Variants in CREBBP observed in about 807,000 individuals in gnomAD.
CREBBP encodes the protein CREB-binding protein.
A neutral mutation model predicts 265.0 loss-of-function variants in CREBBP; 19 were observed. The observed-to-expected ratio is 0.07, with a 90% CI of 0.05 to 0.11. The LOEUF (loss-of-function observed/expected upper bound fraction) is 0.11. Among genes scored for constraint, CREBBP ranks in the 10% least tolerant of loss-of-function variants. CREBBP has a pLI of 1.00. For missense variants in CREBBP, 2,525 were observed against 3,219.0 expected (o/e 0.78, Z 5.22); for synonymous variants, 1,457 against 1,223.7 (o/e 1.19, Z -3.98).
chr16:3,776,283 T>C (rs147497209), intron 11 of CREBBP, among the ~76,000 whole-genome samples: 115 of 152,266 alleles, frequency 7.6e-4, no homozygotes, highest in African/African-American at 2.6e-3. Flanking sequence ...GTCTTCTGGA[T>C]AATGTCACCA....
At chr16:3,827,739 G>A (rs1430300778) in intron 2 of CREBBP, among the ~76,000 whole-genome samples, 1 of 151,992 alleles carries the variant, frequency 6.6e-6, no homozygotes, top group Non-Finnish European at 1.5e-5. Context: ...AGCCCAAGCT[G>A]GAGTACAGTG....
At position 3,727,823 on chromosome 16, in the gene CREBBP, C is replaced by G. The variant is rs1387733150; in HGVS notation, c.7224G>C (p.Met2408Ile). The change falls in exon 31 of 31, where the codon ATG (methionine) becomes ATC (isoleucine). Residue 2408 changes from methionine to isoleucine, a missense_variant. Physicochemically the swap from Met to Ile is conservative, Grantham distance 10. Coordinates refer to ENST00000262367, the MANE Select transcript of CREBBP (RefSeq NM_004380.3). Reference protein sequence around the residue: ...GHLGNPEQSAMLPQLNTPSRS... With the variant: ...GHLGNPEQSAILPQLNTPSRS... ...TGCTGGGGGTGTTCAGCTGGGGGAG[C>G]ATTGCACTCTGTTCGGGGTTCCCCA... is the stretch of plus-strand genomic sequence containing the variant. 1 of 1,614,036 alleles carries G rather than the reference C, an allele frequency of 6.2e-7. No homozygotes were observed. Among genetic ancestry groups the G allele is most frequent in the Non-Finnish European group, 8.5e-7 (1 of 1,180,046 alleles).
intron 2 of CREBBP, among the ~76,000 whole-genome samples, chr16:3,816,411 T>C (rs1157481342): frequency 6.6e-6 from 1 of 151,574 alleles, no homozygotes; most frequent in South Asian, 2.1e-4. Flanking sequence ...AGAATGGGGG[T>C]GAAACTGGAT....
chr16:3,729,376 C>T lies in CREBBP; in HGVS notation c.5671G>A (p.Gly1891Arg), dbSNP rs2051848842. 5 of 1,608,878 alleles carry T rather than the reference C, an allele frequency of 3.1e-6. No homozygotes were observed. The highest frequency in any genetic ancestry group is 1.3e-5 in the African/African-American group (1 of 74,808). ...SLPSPTSAPP[G>R]TPTQQPSTPQ... ...GTGCTGGGCTGCTGTGTGGGGGTCC[C>T]GGGCGGTGCTGAGGTAGGAGAAGGC... The change falls in exon 31 of 31, where the codon GGG becomes AGG. Residue 1891 changes from glycine to arginine, a missense_variant. By Grantham distance (125) the Gly-to-Arg change is moderately radical (BLOSUM62 -2). Around this residue, in one of 19 missense-constraint regions of CREBBP, gnomAD observed 53 missense variants for 146.3 expected, o/e 0.36. Transcript: ENST00000262367.
chr16:3,813,789 G>A (rs548511429), intron 2 of CREBBP, among the ~76,000 whole-genome samples: 165 of 152,262 alleles, frequency 1.1e-3, no homozygotes, highest in African/African-American at 3.8e-3. Flanking sequence ...CACACCTTAT[G>A]TCAACCAATT....
intron 2 of CREBBP, among the ~76,000 whole-genome samples, chr16:3,834,948 C>T (rs987246886): frequency 1.3e-5 from 2 of 152,058 alleles, no homozygotes; most frequent in Admixed American, 1.3e-4. Flanking sequence ...CACGAGGTCA[C>T]GAGATCGAGA....
Position 3,729,279 on chromosome 16 carries a change from C to T in CREBBP, c.5768G>A (p.Ser1923Asn), listed in dbSNP as rs2151308404. The T allele has an allele frequency of 6.5e-7, 1 of 1,533,574 alleles. No individual in the cohort carries two copies. Among genetic ancestry groups the T allele is most frequent in the Admixed American group, 2.0e-5 (1 of 50,930 alleles). The allele number at this position is 1,533,574 out of a possible 1,614,324, so 95.0% of individuals were successfully genotyped here. Reference protein sequence around the residue: ...PVSMSPAGFPSVARTQPPTTV... With the variant: ...PVSMSPAGFPNVARTQPPTTV... ...GGTGGGGGGCTGAGTCCGGGCCACG[C>T]TGGGGAAGCCAGCTGGTGACATGCT... The change falls in exon 31 of 31, where the codon AGC (serine) becomes AAC (asparagine). Residue 1923 changes from serine (S) to asparagine (N), a missense_variant. Around this residue, in one of 19 missense-constraint regions of CREBBP, gnomAD observed 275 missense variants for 276.5 expected, o/e 0.99. Coordinates refer to ENST00000262367, the MANE Select transcript of CREBBP (RefSeq NM_004380.3).
At chr16:3,820,117 T>C (rs2054113501) in intron 2 of CREBBP, among the ~76,000 whole-genome samples, 1 of 152,212 alleles carries the variant, frequency 6.6e-6, no homozygotes. Flanking sequence ...TCATTTTCAA[T>C]GACATAAAGA....
intron 16 of CREBBP, among the ~76,000 whole-genome samples, chr16:3,760,510 C>T (rs1379392035): frequency 7.1e-6 from 1 of 140,820 alleles, no homozygotes; most frequent in Non-Finnish European, 1.5e-5. Context: ...TCAAGTGATT[C>T]TCCTGCCTCA....
chr16:3,774,538 T>G (rs1195791391), intron 12 of CREBBP, 31 bp downstream of exon 12: 3 of 1,613,508 alleles, frequency 1.9e-6, no homozygotes, highest in South Asian at 1.1e-5. Context: ...GAGGGAGGGC[T>G]ATCTGCAGCA....
chr16:3,850,815 G>C lies in CREBBP; in HGVS notation c.280C>G (p.Pro94Ala). The C allele has an allele frequency of 1.2e-6, 2 of 1,614,130 alleles. No homozygotes were observed. The highest frequency in any genetic ancestry group is 2.2e-5 in the South Asian group (2 of 91,086). ...PGIGNVSASS[P>A]VQQGLGGQAQ... ...TGGCCACCCAGGCCCTGCTGCACGG[G>C]GCTGCTGGCGCTCACATTTCCTATT... Residue 94 changes from proline (P) to alanine (A), a missense_variant, in exon 2 of 31, where the codon CCC becomes GCC. This residue lies in a region of CREBBP where 356 missense variants were observed against 340.4 expected (regional missense o/e 1.05). Coordinates refer to ENST00000262367, the MANE Select transcript of CREBBP (RefSeq NM_004380.3).
At chr16:3,781,903 A>G (rs59049806) in intron 6 of CREBBP, among the ~76,000 whole-genome samples, 16 of 152,344 alleles carry the variant, frequency 1.1e-4, no homozygotes, top group African/African-American at 3.6e-4. Flanking sequence ...GACATTCATT[A>G]GGGCAGTTGT....
intron 2 of CREBBP, among the ~76,000 whole-genome samples, chr16:3,843,583 G>C (rs974353627): frequency 6.6e-6 from 1 of 151,818 alleles, no homozygotes; most frequent in East Asian, 1.9e-4. Flanking sequence ...ACCATGACCA[G>C]CTAATTCTTA....
intron 5 of CREBBP, among the ~76,000 whole-genome samples, chr16:3,786,443 C>G (rs1336089415): frequency 6.6e-6 from 1 of 152,190 alleles, no homozygotes; most frequent in Non-Finnish European, 1.5e-5. Flanking sequence ...AACTCAGTTA[C>G]TCAGACAACT....
At chr16:3,729,919 A>G (rs747790744) in intron 30 of CREBBP, 45 bp from the exon 31 acceptor site, 1 of 1,594,066 alleles carries the variant, frequency 6.3e-7, no homozygotes, top group Non-Finnish European at 8.5e-7. Flanking sequence ...CATGGGACCC[A>G]GTACCACCAG....
At chr16:3,813,199 T>C (rs2053970526) in intron 2 of CREBBP, 1 of 228,172 alleles carries the variant, frequency 4.4e-6, no homozygotes, top group East Asian at 6.3e-5. Flanking sequence ...CGCAGGTGAT[T>C]TCCTTCCCCA....
intron 2 of CREBBP, among the ~76,000 whole-genome samples, chr16:3,833,579 T>C (rs1403875918): frequency 6.6e-6 from 1 of 152,214 alleles, no homozygotes; most frequent in Non-Finnish European, 1.5e-5. Flanking sequence ...ATAGAATTAA[T>C]AAGTGAGTTT....
At chr16:3,834,644 C>A (rs1018439089) in intron 2 of CREBBP, among the ~76,000 whole-genome samples, 1 of 152,100 alleles carries the variant, frequency 6.6e-6, no homozygotes, top group African/African-American at 2.4e-5. Context: ...ATGTACAACA[C>A]CAAGAGTGAA....
chr16:3,761,767 A>C (rs943017155), intron 16 of CREBBP, among the ~76,000 whole-genome samples: 1 of 152,246 alleles, frequency 6.6e-6, no homozygotes, highest in South Asian at 2.1e-4. Flanking sequence ...GAAGCGTCGG[A>C]AACACACAGC....
Sources: allele counts gnomAD v4.1 joint callset (sites outside exome capture counted in the v4.1 genomes callset), GRCh38; gene constraint gnomAD v4.1.1; regional missense constraint gnomAD v4.1.1; transcripts MANE v1.5; gene names NCBI Gene and HGNC (gene_info 2026-07-23, HGNC 2026-07-21).